PPP6R2: variants seen among roughly 807,000 people sequenced by gnomAD.
PPP6R2 encodes protein phosphatase 6 regulatory subunit 2.
A neutral mutation model predicts 100.2 loss-of-function variants in PPP6R2; 62 were observed. The ratio of observed to expected loss-of-function variants is 0.62; its 90% CI spans 0.50 to 0.76. The LOEUF (loss-of-function observed/expected upper bound fraction) is 0.76, where lower values mean the gene tolerates loss of function less well. Among genes scored for constraint, PPP6R2 ranks in the 30% least tolerant of loss-of-function variants. The pLI, the probability that PPP6R2 is intolerant of heterozygous loss-of-function variation, is 0.00. For synonymous variants in PPP6R2, 525 were observed against 514.7 expected, an observed-to-expected ratio of 1.02 and a Z score of -0.27; for missense variants, 1,142 against 1,276.3, an observed-to-expected ratio of 0.89 and a Z score of 1.60.
Position 50,414,538 on chromosome 22 carries a change from G to C in PPP6R2, c.415-14G>C. 1 of 1,613,770 alleles carries C rather than the reference G, an allele frequency of 6.2e-7. No individual in the cohort carries two copies. The highest frequency in any genetic ancestry group is 8.5e-7 in the Non-Finnish European group (1 of 1,179,806). ...GGTCGGCCCCGCCTGCCTCTCAGGT[G>C]TGTGTGATTTCAGGTGATTACGTTT... On this transcript the variant is annotated splice_polypyrimidine_tract_variant and intron_variant, in intron 4 of 23. Coordinates refer to ENST00000612753, the MANE Select transcript of PPP6R2 (RefSeq NM_001242898.2).
chr22:50,339,545 GGTGTGT>G (rs1318470823), upstream of PPP6R2, among the ~76,000 whole-genome samples: 3 of 122,700 alleles, frequency 2.4e-5, no homozygotes, highest in African/African-American at 9.3e-5. Flanking sequence ...GTGTGTGTGT[GGTGTGT>G]GTGTGGTGTG....
chr22:50,339,898 G>GTA (rs2042352334), upstream of PPP6R2, among the ~76,000 whole-genome samples: 1 of 125,810 alleles, frequency 7.9e-6, no homozygotes, highest in Non-Finnish European at 1.7e-5. Context: ...TGGGGTGTGT[G>GTA]GTGTGTGTGG....
intron 2 of PPP6R2, among the ~76,000 whole-genome samples, chr22:50,393,104 A>C (rs2055987067): frequency 6.6e-6 from 1 of 152,236 alleles, no homozygotes; most frequent in Admixed American, 6.5e-5. Context: ...CATGTGAGAC[A>C]CTAGGAAGGA....
At chr22:50,343,943 G>C (rs1203863575) in intron 1 of PPP6R2, among the ~76,000 whole-genome samples, 1 of 13,516 alleles carries the variant, frequency 7.4e-5, no homozygotes, top group East Asian at 5.3e-3. Flanking sequence ...CCCCCAGTCA[G>C]TGCCCCCTCC....
chr22:50,394,435 A>AT (rs57373861), intron 3 of PPP6R2, among the ~76,000 whole-genome samples: 70 of 148,918 alleles, frequency 4.7e-4, no homozygotes, highest in Admixed American at 1.1e-3. Context: ...TCTCTATTAA[A>AT]TTTTTTTTTT....
intron 5 of PPP6R2, among the ~76,000 whole-genome samples, chr22:50,415,124 C>T (rs1458756583): frequency 6.6e-6 from 1 of 152,214 alleles, no homozygotes; most frequent in Non-Finnish European, 1.5e-5. Context: ...AGTGTGGATG[C>T]GTCTGTTCTG....
intron 1 of PPP6R2, among the ~76,000 whole-genome samples, chr22:50,343,769 C>G (rs1257159018): frequency 5.9e-4 from 49 of 82,786 alleles, no homozygotes; most frequent in African/African-American, 2.0e-3. Flanking sequence ...TTAGTGCACC[C>G]TCTAGTCAGT....
chr22:50,390,414 A>G (rs1400238238), intron 2 of PPP6R2, among the ~76,000 whole-genome samples: 1 of 152,242 alleles, frequency 6.6e-6, no homozygotes, highest in Non-Finnish European at 1.5e-5. Flanking sequence ...TACTATGTTA[A>G]TATCAGACAA....
chr22:50,338,323 T>TGTGTGTGTGGGGTGTGGG (rs2042326431), upstream of PPP6R2, among the ~76,000 whole-genome samples: 1 of 141,178 alleles, frequency 7.1e-6, no homozygotes, highest in African/African-American at 2.7e-5. Context: ...TGGTGTGTGG[T>TGTGTGTGTGGGGTGTGGG]GTGTGTGTGG....
intron 4 of PPP6R2, among the ~76,000 whole-genome samples, chr22:50,411,560 C>G (rs1256128065): frequency 6.6e-6 from 1 of 152,000 alleles, no homozygotes; most frequent in African/African-American, 2.4e-5. Flanking sequence ...TGAGACCAGC[C>G]TGGCCCAACA....
chr22:50,398,409 G>A (rs1350690350), intron 3 of PPP6R2, among the ~76,000 whole-genome samples: 2 of 150,782 alleles, frequency 1.3e-5, no homozygotes, highest in Admixed American at 6.6e-5. Flanking sequence ...CCGACCTCAG[G>A]TGATCCATCT....
At chr22:50,353,862 T>C (rs1433949012) in intron 1 of PPP6R2, among the ~76,000 whole-genome samples, 2 of 99,916 alleles carry the variant, frequency 2.0e-5, no homozygotes, top group African/African-American at 3.1e-5. Context: ...TTTAAAAATA[T>C]TTTTAAAAAA....
chr22:50,430,514 G>A (rs1432655725), intron 10 of PPP6R2, among the ~76,000 whole-genome samples: 1 of 152,158 alleles, frequency 6.6e-6, no homozygotes, highest in East Asian at 1.9e-4. Flanking sequence ...TTGTATACAG[G>A]GAAATGTAGC....
chr22:50,388,842 AG>A (rs1370509225), intron 2 of PPP6R2: 1 of 151,782 alleles, frequency 6.6e-6, no homozygotes, highest in African/African-American at 2.4e-5. Flanking sequence ...ACTGCACTCC[AG>A]CGTGGGGACA....
chr22:50,438,456 A>G (rs1173743456), intron 18 of PPP6R2, 143 bp from the exon 19 acceptor site: 1 of 1,434,068 alleles, frequency 7.0e-7, no homozygotes, highest in Non-Finnish European at 9.5e-7. Flanking sequence ...TAAGGAGCCC[A>G]GAGCTGAGGC....
chr22:50,370,479 G>A (rs1418092294), intron 1 of PPP6R2, among the ~76,000 whole-genome samples: 2 of 151,420 alleles, frequency 1.3e-5, no homozygotes, highest in African/African-American at 4.9e-5. Context: ...AGTAGAGATG[G>A]GGTTTCACTA....
chr22:50,426,850 A>G (rs904940977), intron 10 of PPP6R2, among the ~76,000 whole-genome samples: 16 of 147,070 alleles, frequency 1.1e-4, no homozygotes, highest in African/African-American at 4.0e-4. Flanking sequence ...AAAAAAAAAA[A>G]ACACCGTCCT....
At chr22:50,337,875 ATGTGTGG>A in the PPP6R2 span, among the ~76,000 whole-genome samples, 27 of 65,388 alleles carry the variant, frequency 4.1e-4, no homozygotes, top group Admixed American at 4.0e-3. Context: ...TGTGTGGTGT[ATGTGTGG>A]TGTGTGGTGT....
intron 1 of PPP6R2, among the ~76,000 whole-genome samples, chr22:50,351,996 C>T (rs1219235554): frequency 3.3e-5 from 5 of 151,950 alleles, no homozygotes; most frequent in African/African-American, 7.3e-5. Flanking sequence ...GGGGTTTCAT[C>T]GTGTTAGCCA....
Sources: gnomAD v4.1 joint callset for allele counts (sites outside exome capture counted in the v4.1 genomes callset) on GRCh38, gnomAD v4.1.1 for gene constraint, MANE v1.5 for transcripts, NCBI Gene and HGNC (gene_info 2026-07-23, HGNC 2026-07-21) for gene names.